ANO7: variants seen among roughly 807,000 people sequenced by gnomAD.
ANO7 encodes anoctamin 7, also known as anoctamin-7.
In ANO7, 114 loss-of-function variants were observed where a neutral mutation model predicts 115.8. The ratio of observed to expected loss-of-function variants is 0.98; its 90% CI spans 0.85 to 1.15. ANO7 has a LOEUF of 1.15. Among genes scored for constraint, ANO7 ranks in the 50% most tolerant of loss-of-function variants. The pLI is 0.00. For missense variants in ANO7, 1,302 were observed against 1,201.2 expected (o/e 1.08, Z -1.24); for synonymous variants, 550 against 498.2 (o/e 1.10, Z -1.38).
At chr2:241,237,945 G>A in the ANO7 span, among the ~76,000 whole-genome samples, 1 of 152,218 alleles carries the variant, frequency 6.6e-6, no homozygotes, top group Non-Finnish European at 1.5e-5. Flanking sequence ...CATGCTTCCT[G>A]GATGCCCAGA....
intron 18 of ANO7, among the ~76,000 whole-genome samples, chr2:241,215,552 C>T (rs757708159): frequency 9.2e-5 from 14 of 152,254 alleles, no homozygotes; most frequent in Non-Finnish European, 1.6e-4. Context: ...TGCCACATCC[C>T]GAGAGATGGC....
chr2:241,223,816 A>C, intron 23 of ANO7, 35 bp downstream of exon 23: 1 of 1,613,866 alleles, frequency 6.2e-7, no homozygotes, highest in South Asian at 1.1e-5. Flanking sequence ...CCCTCCCCCC[A>C]GCCCTCTCCC....
At chr2:241,226,993 A>T (rs1344954658), downstream of ANO7, among the ~76,000 whole-genome samples, 1 of 152,138 alleles carries the variant, frequency 6.6e-6, no homozygotes, top group African/African-American at 2.4e-5. Context: ...GCAGAGTCCT[A>T]AAAGGGAGTG....
intron 10 of ANO7, 89 bp from the exon 11 acceptor site, chr2:241,207,483 GGA>G: frequency 4.1e-6 from 4 of 974,180 alleles, no homozygotes; most frequent in Non-Finnish European, 6.5e-6. Flanking sequence ...AGAGGACAAG[GGA>G]GAGAGAGGAC....
chr2:241,239,785 G>C, the ANO7 span: 1 of 1,613,876 alleles, frequency 6.2e-7, no homozygotes, highest in African/African-American at 1.3e-5. This position sits in a 1 kb window ranked among gnomAD's most constrained non-coding sequence, Gnocchi z 4.6. Context: ...GGTGGTGCTT[G>C]GGGTCCACCA....
intron 4 of ANO7, among the ~76,000 whole-genome samples, chr2:241,198,650 G>A (rs16843440): frequency 0.2 from 30,265 of 152,176 alleles, 3,492 homozygotes; most frequent in Non-Finnish European, 0.27. Context: ...CCGGGACTTT[G>A]GCACTTAGGG....
chr2:241,236,987 G>T, the ANO7 span, among the ~76,000 whole-genome samples: 14 of 150,502 alleles, frequency 9.3e-5, no homozygotes, highest in Admixed American at 3.3e-4. Context: ...TGGGGGGGGG[G>T]GGGGGGGCGG....
rs1428670528 is a variant in ANO7 at position 241,218,312 on chromosome 2, G to A, written c.2252G>A (p.Arg751His). 7 of 1,531,282 alleles carry A rather than the reference G, an allele frequency of 4.6e-6. No individual in the cohort carries two copies. Among genetic ancestry groups the A allele is most frequent in the Admixed American group, 3.8e-5 (2 of 52,800 alleles). The allele number at this position is 1,531,282 out of a possible 1,614,324, so 94.9% of individuals were successfully genotyped here. A position where few individuals can be genotyped will look rare whatever the true frequency, so the allele number is the denominator to read the frequency against. ...CGGTGGACCCGCGCCCACGACCTGC[G>A]CGGCTTCCTCAACTTCACGCTGGCG... ...YYRWTRAHDL[R>H]GFLNFTLARA... The change falls in exon 21 of 25, where the codon CGC (arginine) becomes CAC (histidine). Residue 751 changes from arginine to histidine, a missense_variant. Arg to His is a conservative substitution (Grantham distance 29). Transcript: ENST00000674324.
At position 241,203,486 on chromosome 2, in the gene ANO7, T is replaced by C; in HGVS notation, c.877T>C (p.Phe293Leu). ...CTTCGGGGAGAAGGTGGCCCTCTAC[T>C]TCGCCTGGCTCGGTGAGTCCCCCCC... is the stretch of plus-strand genomic sequence containing the variant. ...RYFGEKVALY[F>L]AWLGFYTGWL... Residue 293 changes from phenylalanine (F) to leucine (L), a missense_variant, in exon 9 of 25, where the codon TTC becomes CTC. Transcript: ENST00000674324. This position sits in a 1 kb window ranked among gnomAD's most constrained non-coding sequence, Gnocchi z 4.8. 6.6e-7 allele frequency: 1 copy of C among 1,524,868 alleles called. No homozygotes were observed. Among genetic ancestry groups the C allele is most frequent in the Non-Finnish European group, 8.8e-7 (1 of 1,135,836 alleles). 94.5% of individuals were successfully genotyped at this position (1,524,868 alleles called of 1,614,324 possible).
chr2:241,188,728 C>A lies in ANO7; in HGVS notation c.-46C>A. 1 of 1,613,638 alleles carries A rather than the reference C, an allele frequency of 6.2e-7. No homozygotes were observed. Among genetic ancestry groups the A allele is most frequent in the Non-Finnish European group, 8.5e-7 (1 of 1,179,906 alleles). ...ACCAGGCTCACGCTGAGAGGTGGGC[C>A]ATGACCTCCGAGACCTCTTCCGGAA... is the stretch of plus-strand genomic sequence containing the variant. On this transcript the variant is annotated 5_prime_UTR_variant, in exon 1 of 25. Coordinates refer to ENST00000674324, the MANE Select transcript of ANO7 (RefSeq NM_001370694.2). This position sits in a 1 kb window ranked among gnomAD's most constrained non-coding sequence, Gnocchi z 4.3.
intron 10 of ANO7, 131 bp from the exon 11 acceptor site, chr2:241,207,443 G>A: frequency 1.5e-6 from 1 of 664,514 alleles, no homozygotes; most frequent in East Asian, 2.6e-5. Flanking sequence ...TTTAAGAAAT[G>A]CTGGGCCTGG....
At position 241,188,736 on chromosome 2, in the gene ANO7, C is replaced by T. The variant is rs2068115665; in HGVS notation, c.-38C>T. 1 of 1,613,488 alleles carries T rather than the reference C, an allele frequency of 6.2e-7. No homozygotes were observed. The highest frequency in any genetic ancestry group is 1.3e-5 in the African/African-American group (1 of 74,922). On this transcript the variant is annotated 5_prime_UTR_variant, in exon 1 of 25. Transcript: ENST00000674324. The surrounding 1 kb of genome is among the most constrained non-coding windows in gnomAD (Gnocchi z 4.3). The stretch of plus-strand genomic sequence containing the variant: ...CACGCTGAGAGGTGGGCCATGACCT[C>T]CGAGACCTCTTCCGGAAGCCACTGT...
At chr2:241,235,499 A>C in the ANO7 span, 20 of 1,613,352 alleles carry the variant, frequency 1.2e-5, no homozygotes, top group Middle Eastern at 1.6e-4. Context: ...CCTCAAACTC[A>C]TCCATCATCT....
In ANO7 at chr2:241,223,919, G is replaced by C. The variant is rs573159318; in HGVS notation, c.2547G>C (p.Thr849=). ...ALAENEVLFG[T]NGTKDEQPEG... is the part of the protein sequence containing the mutation. The stretch of plus-strand genomic sequence containing the variant: ...TTTGGGGACAGGTTCTTTTTGGAAC[G>C]AACGGAACAAAGGATGAGCAGCCCG... The change falls in exon 24 of 25, where the codon ACG becomes ACC. Residue 849 remains threonine, a synonymous_variant. Coordinates refer to ENST00000674324, the MANE Select transcript of ANO7 (RefSeq NM_001370694.2). The C allele has an allele frequency of 6.2e-6, 10 of 1,613,348 alleles. No individual in the cohort carries two copies. The highest frequency in any genetic ancestry group is 2.7e-5 in the African/African-American group (2 of 74,380).
chr2:241,213,105 A>C (rs569252338), intron 17 of ANO7, among the ~76,000 whole-genome samples: 7 of 152,330 alleles, frequency 4.6e-5, no homozygotes, highest in African/African-American at 1.7e-4. Flanking sequence ...AGCCTCTGGC[A>C]CACAGGCCCG....
chr2:241,217,282 A>G (rs1032310524), intron 19 of ANO7, among the ~76,000 whole-genome samples: 4 of 152,192 alleles, frequency 2.6e-5, no homozygotes, highest in Non-Finnish European at 4.4e-5. Flanking sequence ...CTGGACCCCA[A>G]TGATCTCACT....
At position 241,223,192 on chromosome 2, in the gene ANO7, G is replaced by A. The variant is rs149505840; in HGVS notation, c.2328G>A (p.Arg776=). 2,499 of 1,614,154 alleles carry A rather than the reference G, an allele frequency of 1.5e-3. 4 individuals are homozygous for A. The highest frequency in any genetic ancestry group is 2.0e-3 in the Non-Finnish European group (2,343 of 1,179,978). The change falls in exon 22 of 25, where the codon CGG becomes CGA. Residue 776 remains arginine, a synonymous_variant. Coordinates refer to ENST00000674324, the MANE Select transcript of ANO7 (RefSeq NM_001370694.2). ...AAAHNRTCRY[R]AFRDDDGHYS... is the part of the protein sequence containing the mutation. ...AGTCCTGTGTCTGCTGCAGGTATCG[G>A]GCTTTCCGGGATGACGATGGACATT...
downstream of ANO7, among the ~76,000 whole-genome samples, chr2:241,226,239 GA>G (rs2069167030): frequency 6.6e-6 from 1 of 151,974 alleles, no homozygotes; most frequent in African/African-American, 2.4e-5. Context: ...TGGAACTGGG[GA>G]CTTTGCATTT....
chr2:241,202,145 C>A (rs758967269), intron 7 of ANO7, 49 bp from the exon 8 acceptor site: 2 of 1,527,546 alleles, frequency 1.3e-6, no homozygotes, highest in East Asian at 2.3e-5. Context: ...CTTCCCTGTT[C>A]TGCTATCACG....
Sources: gnomAD v4.1 joint callset for allele counts (sites outside exome capture counted in the v4.1 genomes callset) on GRCh38, gnomAD v4.1.1 for gene constraint, Gnocchi (gnomAD v3.1) non-coding constraint, MANE v1.5 for transcripts, NCBI Gene and HGNC (gene_info 2026-07-23, HGNC 2026-07-21) for gene names.